YTHDC2: variants seen among roughly 807,000 people sequenced by gnomAD.
YTHDC2 encodes 3'-5' RNA helicase YTHDC2.
YTHDC2 carries 45 observed loss-of-function variants against 174.9 expected under a neutral mutation model. The observed-to-expected ratio is 0.26, with a 90% CI of 0.20 to 0.33. YTHDC2 has a LOEUF of 0.33. Among genes scored for constraint, YTHDC2 ranks in the 10% least tolerant of loss-of-function variants. The pLI is 1.00. For missense variants in YTHDC2, 1,650 were observed against 1,723.7 expected (o/e 0.96, Z 0.76); for synonymous variants, 657 against 574.5 (o/e 1.14, Z -2.05).
At chr5:113,533,072 C>G (rs767075420) in intron 5 of YTHDC2, 27 bp downstream of exon 5, 2 of 1,601,778 alleles carry the variant, frequency 1.2e-6, no homozygotes, top group Middle Eastern at 1.7e-4. Flanking sequence ...TGTATCTTCT[C>G]TTTTATCATG....
chr5:113,553,159 T>G, intron 12 of YTHDC2, 22 bp from the exon 13 acceptor site: 2 of 292,132 alleles, frequency 6.8e-6, no homozygotes, highest in South Asian at 8.3e-5. Flanking sequence ...GACTTTGTCT[T>G]TTTTTTTTTT....
At position 113,589,210 on chromosome 5, in the gene YTHDC2, C is replaced by G. The variant is rs112427576; in HGVS notation, c.3826-1831C>G. Reference sequence around the variant, plus strand: ...AGATGTAAGACCATCTCATATGGTTCCACAGGTCACCGATGTTCTCTTCAT... The same window carrying G: ...AGATGTAAGACCATCTCATATGGTTGCACAGGTCACCGATGTTCTCTTCAT... On this transcript the variant is annotated intron_variant, in intron 26 of 29. Coordinates refer to ENST00000161863, the MANE Select transcript of YTHDC2 (RefSeq NM_022828.5). 2.0e-3 allele frequency among the ~76,000 whole-genome samples: 298 copies of G among 151,456 alleles called. 4 individuals are homozygous for G. Among genetic ancestry groups the G allele is most frequent in the African/African-American group, 6.9e-3 (285 of 41,322 alleles).
At position 113,549,099 on chromosome 5, in the gene YTHDC2, A is replaced by G; in HGVS notation, c.1688+79A>G. 8 of 1,215,198 alleles carry G rather than the reference A, an allele frequency of 6.6e-6. No individual in the cohort carries two copies. The South Asian group carries it at 1.1e-4, about 16-fold the overall frequency. 75.3% of individuals were successfully genotyped at this position (1,215,198 alleles called of 1,614,324 possible). ...CACCATATAAATTATGGGCTATTCA[A>G]ATGTAGACCATTTATAGTCTTTTAT... On this transcript the variant is annotated intron_variant, in intron 12 of 29. Transcript: ENST00000161863.
rs557008395 is a variant in YTHDC2, at chr5:113,535,065, T to G, written c.946-577T>G. Among the ~76,000 whole-genome samples the G allele has an allele frequency of 2.6e-5, 4 of 152,316 alleles. No homozygotes were observed. The East Asian group carries it at 7.7e-4, about 29-fold the overall frequency. The stretch of plus-strand genomic sequence containing the variant: ...AAAAGCACATTAAATTGGACTTTAC[T>G]TATAATTTTTTGTAGTTTTATATTT... On this transcript the variant is annotated intron_variant, in intron 6 of 29. Coordinates refer to ENST00000161863, the MANE Select transcript of YTHDC2 (RefSeq NM_022828.5).
At chr5:113,584,218 T>C in intron 25 of YTHDC2, 84 bp from the exon 26 acceptor site, 2 of 1,195,548 alleles carry the variant, frequency 1.7e-6, no homozygotes, top group Non-Finnish European at 2.3e-6. Flanking sequence ...TGGCATCTGC[T>C]TTGTATTATA....
At chr5:113,534,443 G>A (rs201662898) in intron 6 of YTHDC2, 36 bp downstream of exon 6, 2 of 1,563,800 alleles carry the variant, frequency 1.3e-6, no homozygotes, top group Non-Finnish European at 1.8e-6. Context: ...ATGTAACTCA[G>A]ATTGCTTAAA....
intron 7 of YTHDC2, among the ~76,000 whole-genome samples, chr5:113,536,614 CT>C (rs1039178460): frequency 7.2e-5 from 11 of 152,142 alleles, no homozygotes; most frequent in Admixed American, 1.3e-4. Flanking sequence ...ACAATTGCCC[CT>C]ATCCTTGTTC....
chr5:113,524,552 T>C (rs1294834133), intron 2 of YTHDC2, among the ~76,000 whole-genome samples: 3 of 152,130 alleles, frequency 2.0e-5, no homozygotes, highest in South Asian at 2.1e-4. Flanking sequence ...CAACATACTG[T>C]GGAAGCATTC....
At chr5:113,563,124 AGATG>A (rs1195955301) in intron 18 of YTHDC2, among the ~76,000 whole-genome samples, 1 of 151,376 alleles carries the variant, frequency 6.6e-6, no homozygotes, top group African/African-American at 2.4e-5. Context: ...CAGTGTGAGG[AGATG>A]TTGCCAATGG....
At chr5:113,565,604 G>A in intron 20 of YTHDC2, 1 of 217,660 alleles carries the variant, frequency 4.6e-6, no homozygotes, top group South Asian at 9.4e-5. Flanking sequence ...TTTGTAGAGA[G>A]TAAAATTAGC....
intron 6 of YTHDC2, among the ~76,000 whole-genome samples, chr5:113,535,014 G>A (rs4705828): frequency 0.33 from 50,111 of 151,974 alleles, 10,206 homozygotes; most frequent in African/African-American, 0.56. Flanking sequence ...TAAAAGAAAC[G>A]TATTTACATA....
At position 113,561,204 on chromosome 5, in the gene YTHDC2, A is replaced by T; in HGVS notation, c.2322+19A>T. ...ATTACAGGTAAAAATTTATTTAAAT[A>T]TAAAAGGCATTTTTTTGGGTGAGGG... On this transcript the variant is annotated intron_variant, in intron 18 of 29. Transcript: ENST00000161863. The T allele has an allele frequency of 1.2e-6, 2 of 1,600,030 alleles. No homozygotes were observed. The highest frequency in any genetic ancestry group is 1.7e-6 in the Non-Finnish European group (2 of 1,171,716).
intron 26 of YTHDC2, among the ~76,000 whole-genome samples, chr5:113,588,216 C>T (rs1210153331): frequency 6.6e-6 from 1 of 152,040 alleles, no homozygotes; most frequent in African/African-American, 2.4e-5. Flanking sequence ...CCTTATCTCT[C>T]TGGCCAGAGC....
intron 28 of YTHDC2, chr5:113,592,819 A>G (rs957410208): frequency 6.6e-6 from 1 of 152,572 alleles, no homozygotes; most frequent in African/African-American, 2.4e-5. Flanking sequence ...TTATTCTATA[A>G]TAATGATTTT....
At chr5:113,557,580 GTC>G (rs1204405979) in intron 17 of YTHDC2, among the ~76,000 whole-genome samples, 1 of 152,158 alleles carries the variant, frequency 6.6e-6, no homozygotes, top group Admixed American at 6.6e-5. Context: ...GATCACTTGA[GTC>G]TAAGAGTCTG....
intron 20 of YTHDC2, among the ~76,000 whole-genome samples, chr5:113,564,633 T>C (rs914402628): frequency 6.6e-6 from 1 of 151,956 alleles, no homozygotes; most frequent in African/African-American, 2.4e-5. Flanking sequence ...AAGATAATGG[T>C]AATGGCAAGT....
intron 7 of YTHDC2, among the ~76,000 whole-genome samples, chr5:113,538,659 C>A (rs1775246837): frequency 6.6e-6 from 1 of 152,056 alleles, no homozygotes; most frequent in African/African-American, 2.4e-5. Context: ...TCCCCCGTTA[C>A]ATACTGTCAT....
chr5:113,567,171 A>G lies in YTHDC2; in HGVS notation c.2922A>G (p.Ala974=). Reference sequence around the variant, plus strand: ...AGAATTGGGCTGTCGTTAAAGCTGCATTGGTGGCAGGCATGTATCCTAATT... The same window carrying G: ...AGAATTGGGCTGTCGTTAAAGCTGCGTTGGTGGCAGGCATGTATCCTAATT... ...NSENWAVVKA[A]LVAGMYPNLV... is the part of the protein sequence containing the mutation. The change falls in exon 22 of 30, where the codon GCA becomes GCG. Residue 974 remains alanine, a synonymous_variant. Coordinates refer to ENST00000161863, the MANE Select transcript of YTHDC2 (RefSeq NM_022828.5). 6.2e-7 allele frequency: 1 copy of G among 1,613,880 alleles called. No homozygotes were observed. Among genetic ancestry groups the G allele is most frequent in the South Asian group, 1.1e-5 (1 of 91,074 alleles).
chr5:113,522,343 T>A (rs1773935247), intron 2 of YTHDC2, among the ~76,000 whole-genome samples: 1 of 152,152 alleles, frequency 6.6e-6, no homozygotes, highest in African/African-American at 2.4e-5. Flanking sequence ...GTAAATTGAT[T>A]AATGTTAACA....
Sources: allele counts gnomAD v4.1 joint callset (sites outside exome capture counted in the v4.1 genomes callset), GRCh38; gene constraint gnomAD v4.1.1; transcripts MANE v1.5; gene names NCBI Gene and HGNC (gene_info 2026-07-23, HGNC 2026-07-21).